Variants in EXD3 observed in about 807,000 individuals in gnomAD.
The protein encoded by EXD3 is exonuclease mut-7 homolog.
Under a neutral mutation model 98.0 loss-of-function variants are expected in EXD3, and 92 were observed. The ratio of observed to expected loss-of-function variants is 0.94; its 90% confidence interval spans 0.79 to 1.12. The LOEUF (loss-of-function observed/expected upper bound fraction) is 1.12. Among genes scored for constraint, EXD3 ranks in the 50% most tolerant of loss-of-function variants. The pLI is 0.00. For synonymous variants in EXD3, 569 were observed against 526.0 expected, an observed-to-expected ratio of 1.08 and a Z score of -1.12; for missense variants, 1,222 against 1,191.6, an observed-to-expected ratio of 1.03 and a Z score of -0.38.
chr9:137,375,155 C>A (rs556406198), intron 3 of EXD3, among the ~76,000 whole-genome samples: 1 of 152,212 alleles, frequency 6.6e-6, no homozygotes, highest in Non-Finnish European at 1.5e-5. Flanking sequence ...ACTATAGGCG[C>A]GCGCCACCAT....
chr9:137,323,919 C>G (rs970139846), intron 18 of EXD3, 63 bp from the exon 19 acceptor site: 2 of 1,541,574 alleles, frequency 1.3e-6, no homozygotes, highest in Admixed American at 2.0e-5. Flanking sequence ...CCAGGCCCAG[C>G]CCGCCTCCGC....
intron 14 of EXD3, among the ~76,000 whole-genome samples, chr9:137,350,013 GA>G (rs1252649845): frequency 1.4e-5 from 2 of 145,704 alleles, no homozygotes; most frequent in African/African-American, 2.5e-5. Flanking sequence ...GGATCACGGG[GA>G]AGGTGCTAGA....
In EXD3 at chr9:137,411,387, C is replaced by T. The variant is rs985640657; in HGVS notation, c.-48+11727G>A. 2.2e-4 allele frequency among the ~76,000 whole-genome samples: 34 copies of T among 152,130 alleles called. 1 individual carries two copies. The highest frequency in any genetic ancestry group is 7.7e-4 in the African/African-American group (32 of 41,528). On this transcript the variant is annotated intron_variant, in intron 1 of 21. Coordinates refer to ENST00000340951, the MANE Select transcript of EXD3 (RefSeq NM_017820.5). ...CAGGATGGGGGGCAGCCCTGCTCCTCGGTTTCCTGGGAGGCCTGGCCAGAC... is the reference window on the plus strand; with the variant it reads ...CAGGATGGGGGGCAGCCCTGCTCCTTGGTTTCCTGGGAGGCCTGGCCAGAC...
chr9:137,348,327 G>C, intron 16 of EXD3, 89 bp from the exon 17 acceptor site: 1 of 1,345,606 alleles, frequency 7.4e-7, no homozygotes, highest in East Asian at 2.5e-5. Context: ...TGTGTGGCCA[G>C]CACTCTGTCT....
In EXD3 at chr9:137,356,496, CG is replaced by C. The variant is rs1681615991; in HGVS notation, c.657-129del. 1.1e-5 allele frequency: 7 copies of C among 653,434 alleles called. 1 individual carries two copies. The South Asian group carries it at 1.1e-4, about 10-fold the overall frequency. 40.5% of individuals were successfully genotyped at this position (653,434 alleles called of 1,614,324 possible). ...AGTGAGGTTTATAAGAAAATGCAGG[CG>C]TCACCGCCCCCCGCCCACCCCATCC... On this transcript the variant is annotated intron_variant, in intron 7 of 21. Coordinates refer to ENST00000340951, the MANE Select transcript of EXD3 (RefSeq NM_017820.5).
intron 6 of EXD3, 190 bp downstream of exon 6, chr9:137,367,746 T>C (rs1170629861): frequency 6.6e-5 from 38 of 573,658 alleles, no homozygotes; most frequent in Non-Finnish European, 1.0e-4. Context: ...TGCGGCTGCG[T>C]CTGATTTGGG....
At chr9:137,326,540 C>A (rs1400577161) in intron 17 of EXD3, among the ~76,000 whole-genome samples, 1 of 151,988 alleles carries the variant, frequency 6.6e-6, no homozygotes, top group Non-Finnish European at 1.5e-5. Context: ...AGAAAAAAAA[C>A]AGTTGGCAAA....
At chr9:137,366,019 CACACATACAT>C in intron 7 of EXD3, 2 of 624,018 alleles carry the variant, frequency 3.2e-6, no homozygotes, top group East Asian at 6.4e-5. Flanking sequence ...CACATGGGCA[CACACATACAT>C]GCACACACAT....
At chr9:137,331,244 G>A (rs918904645) in intron 17 of EXD3, among the ~76,000 whole-genome samples, 2 of 152,094 alleles carry the variant, frequency 1.3e-5, no homozygotes. Flanking sequence ...AGGCTTGGAA[G>A]GAACATACCT....
chr9:137,372,616 A>G (rs1835685529), intron 5 of EXD3, among the ~76,000 whole-genome samples: 1 of 152,154 alleles, frequency 6.6e-6, no homozygotes, highest in Non-Finnish European at 1.5e-5. Flanking sequence ...GGACCCTGTG[A>G]GTGTGAGGGC....
intron 20 of EXD3, among the ~76,000 whole-genome samples, chr9:137,308,598 C>T (rs979908130): frequency 8.0e-5 from 12 of 150,858 alleles, no homozygotes; most frequent in Non-Finnish European, 1.6e-4. Context: ...GGGTGATGGT[C>T]GCTCCCCGTC....
chr9:137,380,180 C>T lies in EXD3; in HGVS notation c.120+3133G>A, dbSNP rs569887487. 1.1e-4 allele frequency among the ~76,000 whole-genome samples: 17 copies of T among 151,980 alleles called. No homozygotes were observed. In the South Asian group the frequency reaches 1.7e-3, roughly 15 times the overall value. ...AAGGAAGCCGTCCCACCCACCCTGC[C>T]GGTCCCTCCTCCCTTCGAGCCCTTC... On this transcript the variant is annotated intron_variant, in intron 3 of 21. Coordinates refer to ENST00000340951, the MANE Select transcript of EXD3 (RefSeq NM_017820.5).
At position 137,352,070 on chromosome 9, in the gene EXD3, A is replaced by G; in HGVS notation, c.1169T>C (p.Leu390Pro). ...EDLTRHEGAL[L>P]QCHQVVGVDV... ...CCCAGCGGCCGAGGGAACCACCTGC[A>G]GGAGTGCACCCTCGTGTCTGGTCAG... The change falls in exon 12 of 22, where the codon CTG becomes CCG. Residue 390 changes from leucine (L) to proline (P), a missense_variant. Leu to Pro is a moderately conservative substitution (Grantham distance 98). Coordinates refer to ENST00000340951, the MANE Select transcript of EXD3 (RefSeq NM_017820.5). The G allele has an allele frequency of 6.2e-7, 1 of 1,611,284 alleles. No homozygotes were observed. Among genetic ancestry groups the G allele is most frequent in the Non-Finnish European group, 8.5e-7 (1 of 1,179,228 alleles).
intron 1 of EXD3, among the ~76,000 whole-genome samples, chr9:137,416,794 G>A (rs1385347209): frequency 6.6e-6 from 1 of 151,946 alleles, no homozygotes; most frequent in East Asian, 1.9e-4. Flanking sequence ...AGCCTAGCCT[G>A]GGGCTGTCGC....
chr9:137,382,695 T>C (rs1836376927), intron 3 of EXD3, among the ~76,000 whole-genome samples: 1 of 151,538 alleles, frequency 6.6e-6, no homozygotes. Context: ...CCAGTGGATG[T>C]GGCACTCAGA....
intron 17 of EXD3, among the ~76,000 whole-genome samples, chr9:137,344,186 C>T (rs189978624): frequency 7.6e-4 from 116 of 152,198 alleles, no homozygotes; most frequent in Non-Finnish European, 1.2e-3. Flanking sequence ...CCACTGCGCC[C>T]GGCCTGTATC....
In EXD3 at chr9:137,393,080, G is replaced by A. The variant is rs1251133666; in HGVS notation, c.55+2223C>T. 1 of 670,444 alleles carries A rather than the reference G, an allele frequency of 1.5e-6. No homozygotes were observed. The highest frequency in any genetic ancestry group is 2.3e-5 in the Admixed American group (1 of 44,404). The allele number at this position is 670,444 out of a possible 1,614,324, so 41.5% of individuals were successfully genotyped here. A position where few individuals can be genotyped will look rare whatever the true frequency, so the allele number is the denominator to read the frequency against. ...GGCTGTTCCAGGGGGCACCGAGGCT[G>A]TTCTCGGTGGGGGTGCCGTGTCTGT... On this transcript the variant is annotated intron_variant, in intron 2 of 21. Coordinates refer to ENST00000340951, the MANE Select transcript of EXD3 (RefSeq NM_017820.5). The surrounding 1 kb of genome is among the most constrained non-coding windows in gnomAD (Gnocchi z 4.6).
intron 1 of EXD3, among the ~76,000 whole-genome samples, chr9:137,422,112 T>TAAAAAAAAAAAAAAAAAA (rs35073810): frequency 8.4e-6 from 1 of 119,504 alleles, no homozygotes; most frequent in African/African-American, 3.1e-5. Flanking sequence ...GTGGTGTTCT[T>TAAAAAAAAAAAAAAAAAA]AAAAAAAAAA....
At chr9:137,322,370 C>G (rs1330098719) in intron 19 of EXD3, among the ~76,000 whole-genome samples, 4 of 151,804 alleles carry the variant, frequency 2.6e-5, no homozygotes, top group African/African-American at 7.3e-5. Flanking sequence ...ACACCTCACC[C>G]CGGACCCACA....
Sources: allele counts gnomAD v4.1 joint callset (sites outside exome capture counted in the v4.1 genomes callset), GRCh38; gene constraint gnomAD v4.1.1; non-coding constraint Gnocchi (gnomAD v3.1); transcripts MANE v1.5; gene names NCBI Gene and HGNC (gene_info 2026-07-23, HGNC 2026-07-21).